KCNK13: variants seen among roughly 807,000 people sequenced by gnomAD.
KCNK13 encodes the protein potassium two pore domain channel subfamily K member 13.
A neutral mutation model predicts 23.4 loss-of-function variants in KCNK13; 12 were observed. The observed-to-expected ratio is 0.51, with a 90% confidence interval of 0.33 to 0.83. The LOEUF is 0.83. Ranked by LOEUF, KCNK13 falls within the 40% of genes least tolerant of loss-of-function variation. The pLI is 0.02. For missense variants in KCNK13, 463 were observed against 556.3 expected (o/e 0.83, Z 1.69); for synonymous variants, 231 against 229.5 (o/e 1.01, Z -0.06).
chr14:90,155,437 A>G (rs1890183187), intron 1 of KCNK13, among the ~76,000 whole-genome samples: 1 of 151,974 alleles, frequency 6.6e-6, no homozygotes, highest in Non-Finnish European at 1.5e-5. Context: ...GGGCCAATGG[A>G]GAGTTTGGGG....
chr14:90,073,357 T>C (rs1889099228), intron 1 of KCNK13, among the ~76,000 whole-genome samples: 1 of 152,208 alleles, frequency 6.6e-6, no homozygotes, highest in African/African-American at 2.4e-5. Context: ...CTCTCAAAGC[T>C]GCAACCTCTC....
chr14:90,122,152 C>T lies in KCNK13; in HGVS notation c.334+59613C>T, dbSNP rs560531143. Among the ~76,000 whole-genome samples, 17 of 152,172 alleles carry T rather than the reference C, an allele frequency of 1.1e-4. No individual in the cohort carries two copies. The South Asian group carries it at 1.7e-3, about 15-fold the overall frequency. ...ACTATATTTTATTTGTACCCCCTTA[C>T]TGGACATTTAGATTTTCACTATTTT... is the stretch of plus-strand genomic sequence containing the variant. On this transcript the variant is annotated intron_variant, in intron 1 of 1. Transcript: ENST00000282146.
intron 1 of KCNK13, among the ~76,000 whole-genome samples, chr14:90,128,856 G>A (rs1889834131): frequency 6.6e-6 from 1 of 152,076 alleles, no homozygotes; most frequent in East Asian, 1.9e-4. Flanking sequence ...ATAAATGTAA[G>A]GCATGCATCC....
At chr14:90,093,629 C>T (rs935860565) in intron 1 of KCNK13, among the ~76,000 whole-genome samples, 12 of 152,056 alleles carry the variant, frequency 7.9e-5, no homozygotes, top group African/African-American at 1.4e-4. Flanking sequence ...TGAAGGGGCC[C>T]CCATGGAGAG....
chr14:90,123,365 T>A (rs1283960534), intron 1 of KCNK13, among the ~76,000 whole-genome samples: 2 of 152,196 alleles, frequency 1.3e-5, no homozygotes, highest in Non-Finnish European at 2.9e-5. Context: ...TGTGTCTCCA[T>A]GTGGTCTTCC....
chr14:90,062,332 C>G lies in KCNK13; in HGVS notation c.127C>G (p.Leu43Val), dbSNP rs375380753. ...CGCCGCCGTCTTCTCCGCGCTGGAG[C>G]TGGCGCACGAGCGCCAGGCCAAGCA... ...GGAAVFSALE[L>V]AHERQAKQRW... is the part of the protein sequence containing the mutation. Residue 43 changes from leucine (L) to valine (V), a missense_variant, in exon 1 of 2, where the codon CTG (leucine) becomes GTG (valine). Leu to Val is a conservative substitution (Grantham distance 32). Around this residue, in one of 3 missense-constraint regions of KCNK13, gnomAD observed 153 missense variants for 153.6 expected, o/e 1.00. Transcript: ENST00000282146. This position sits in a 1 kb window ranked among gnomAD's most constrained non-coding sequence, Gnocchi z 4.5. 143 of 1,555,424 alleles carry G rather than the reference C, an allele frequency of 9.2e-5. No homozygotes were observed. The African/African-American group carries it at 1.6e-3, about 17-fold the overall frequency.
intron 1 of KCNK13, among the ~76,000 whole-genome samples, chr14:90,098,183 C>T (rs1035306277): frequency 6.6e-6 from 1 of 152,224 alleles, no homozygotes; most frequent in Non-Finnish European, 1.5e-5. Flanking sequence ...TTCCCAAGTA[C>T]CACGGGGGCC....
chr14:90,091,350 A>G (rs1018333577), intron 1 of KCNK13, among the ~76,000 whole-genome samples: 14 of 152,174 alleles, frequency 9.2e-5, no homozygotes, highest in African/African-American at 3.4e-4. Context: ...CGAACCGGTA[A>G]AGAATGAACT....
intron 1 of KCNK13, among the ~76,000 whole-genome samples, chr14:90,166,999 T>C (rs1890311585): frequency 6.6e-6 from 1 of 152,236 alleles, no homozygotes. Flanking sequence ...GGGTCTGCAC[T>C]AGCACCCAGG....
chr14:90,080,596 G>C (rs1246114523), intron 1 of KCNK13, among the ~76,000 whole-genome samples: 2 of 152,178 alleles, frequency 1.3e-5, no homozygotes, highest in African/African-American at 4.8e-5. Flanking sequence ...AGGAATAACA[G>C]GTTTTCAGAC....
intron 1 of KCNK13, among the ~76,000 whole-genome samples, chr14:90,141,703 T>G (rs7140877): frequency 6.6e-6 from 1 of 151,486 alleles, no homozygotes; most frequent in African/African-American, 2.4e-5. Flanking sequence ...AGTGATCTGC[T>G]GGGCTCGGCC....
rs116323157 is a variant in KCNK13, at chr14:90,158,820, G to A, written c.335-25291G>A. On this transcript the variant is annotated intron_variant, in intron 1 of 1. Transcript: ENST00000282146. Reference sequence around the variant, plus strand: ...AATGTAACAAGACCTAACAAGCAACGTAACCACAGCCTGGGACAGGCCGTA... The same window carrying A: ...AATGTAACAAGACCTAACAAGCAACATAACCACAGCCTGGGACAGGCCGTA... Among the ~76,000 whole-genome samples, 750 of 152,312 alleles carry A rather than the reference G, an allele frequency of 4.9e-3. 7 individuals carry two copies. Among genetic ancestry groups the A allele is most frequent in the African/African-American group, 0.017 (722 of 41,564 alleles).
At chr14:90,168,098 G>C (rs1253132565) in intron 1 of KCNK13, among the ~76,000 whole-genome samples, 1 of 152,192 alleles carries the variant, frequency 6.6e-6, no homozygotes, top group Admixed American at 6.6e-5. Context: ...GAGGGGCGGG[G>C]TGTGGTGGCT....
At chr14:90,116,961 C>T in intron 1 of KCNK13, among the ~76,000 whole-genome samples, 1 of 152,112 alleles carries the variant, frequency 6.6e-6, no homozygotes. Context: ...ACTACTGAAC[C>T]CTATATGATA....
chr14:90,128,578 G>A (rs1272124371), intron 1 of KCNK13, among the ~76,000 whole-genome samples: 1 of 152,102 alleles, frequency 6.6e-6, no homozygotes, highest in Admixed American at 6.6e-5. Context: ...TTACCATCCT[G>A]GAGACAGAGG....
intron 1 of KCNK13, among the ~76,000 whole-genome samples, chr14:90,131,094 C>A (rs1054681094): frequency 6.6e-6 from 1 of 152,168 alleles, no homozygotes; most frequent in Non-Finnish European, 1.5e-5. Context: ...TGGAAAGCAC[C>A]TGGCACATAG....
chr14:90,168,653 T>C (rs967460861), intron 1 of KCNK13, among the ~76,000 whole-genome samples: 1 of 152,196 alleles, frequency 6.6e-6, no homozygotes, highest in Non-Finnish European at 1.5e-5. Context: ...AATCAGACTA[T>C]CTGGTGATAA....
intron 1 of KCNK13, among the ~76,000 whole-genome samples, chr14:90,084,742 G>A (rs1214824561): frequency 6.6e-6 from 1 of 152,112 alleles, no homozygotes; most frequent in African/African-American, 2.4e-5. Flanking sequence ...TCACTATTGA[G>A]TATGAAATTG....
At chr14:90,167,977 C>T (rs1467641848) in intron 1 of KCNK13, among the ~76,000 whole-genome samples, 1 of 152,192 alleles carries the variant, frequency 6.6e-6, no homozygotes, top group Admixed American at 6.5e-5. Context: ...AACTATTTTC[C>T]TGTCGGCCAC....
Sources: allele counts gnomAD v4.1 joint callset (sites outside exome capture counted in the v4.1 genomes callset), GRCh38; gene constraint gnomAD v4.1.1; regional missense constraint gnomAD v4.1.1; non-coding constraint Gnocchi (gnomAD v3.1); transcripts MANE v1.5; gene names NCBI Gene and HGNC (gene_info 2026-07-23, HGNC 2026-07-21).